DMD: variants seen among roughly 807,000 people sequenced by gnomAD.
DMD encodes mutant dystrophin.
A neutral mutation model predicts 330.1 loss-of-function variants in DMD; 63 were observed. The ratio of observed to expected loss-of-function variants is 0.19; its 90% confidence interval spans 0.16 to 0.24. DMD has a LOEUF of 0.24. Ranked by LOEUF, DMD falls within the 10% of genes least tolerant of loss-of-function variation. The pLI is 1.00. For synonymous variants in DMD, 1,223 were observed against 959.8 expected (o/e 1.27, Z -5.07); for missense variants, 3,344 against 2,684.1 (o/e 1.25, Z -5.43).
intron 41 of DMD, among the ~76,000 whole-genome samples, chrX:32,337,110 T>A (rs1186409339): frequency 9.0e-6 from 1 of 111,364 alleles, no homozygotes; most frequent in Non-Finnish European, 1.9e-5. Context: ...TGAGAGATAA[T>A]AATCTTGTAG....
chrX:31,137,068 G>C (rs1465297818), intron 76 of DMD, among the ~76,000 whole-genome samples: 1 of 110,906 alleles, frequency 9.0e-6, no homozygotes, highest in Non-Finnish European at 1.9e-5. Context: ...ACCCAGGCTG[G>C]AGTGCAGTGG....
At chrX:31,597,706 G>C (rs1251528277) in intron 55 of DMD, among the ~76,000 whole-genome samples, 1 of 111,988 alleles carries the variant, frequency 8.9e-6, no homozygotes, top group Non-Finnish European at 1.9e-5. Flanking sequence ...TCTTGAAGCA[G>C]TAGTAGAATG....
intron 1 of DMD, among the ~76,000 whole-genome samples, chrX:33,303,674 T>C (rs1337115732): frequency 9.0e-6 from 1 of 111,297 alleles, no homozygotes; most frequent in Non-Finnish European, 1.9e-5. Context: ...TGAGATCTGA[T>C]GGTTTTATAA....
At chrX:31,963,269 G>T (rs369684960) in intron 45 of DMD, among the ~76,000 whole-genome samples, 1 of 111,706 alleles carries the variant, frequency 9.0e-6, no homozygotes, top group East Asian at 2.8e-4. Flanking sequence ...GTACATTTAC[G>T]AATGCCTCCC....
chrX:33,229,970 G>T (rs754780501), intron 1 of DMD, among the ~76,000 whole-genome samples: 80 of 112,161 alleles, frequency 7.1e-4, no homozygotes, highest in African/African-American at 2.5e-3. Flanking sequence ...ATTGAGATTA[G>T]ACTGTGTTTT....
intron 42 of DMD, 115 bp downstream of exon 42, chrX:32,309,967 C>A (rs964615882): frequency 1.1e-5 from 7 of 654,227 alleles, no homozygotes; most frequent in Non-Finnish European, 1.7e-5. Context: ...TTAAGAATTC[C>A]ATGTGAAAGT....
In DMD at chrX:33,020,198, C is replaced by T. The variant is rs759615251; in HGVS notation, c.34G>A (p.Glu12Lys). ...LWWEEVEDCY[E>K]REDVQKKTFT... ...GTTTTCTTTTGAACATCTTCTCTTT[C>T]ATCTAAAATGCAAAATAAAAAAATA... is the stretch of plus-strand genomic sequence containing the variant. Residue 12 changes from glutamate (E) to lysine (K), a missense_variant and splice_region_variant, in exon 2 of 79, where the codon GAA (glutamate) becomes AAA (lysine). Transcript: ENST00000357033. The T allele has an allele frequency of 4.3e-6, 5 of 1,157,183 alleles. No individual in the cohort carries two copies. The highest frequency in any genetic ancestry group is 5.9e-6 in the Non-Finnish European group (5 of 852,542).
At chrX:32,816,897 C>T (rs2077808363) in intron 5 of DMD, among the ~76,000 whole-genome samples, 3 of 111,972 alleles carry the variant, frequency 2.7e-5, no homozygotes, top group African/African-American at 9.7e-5. Flanking sequence ...TTAGACCCAA[C>T]ATTTACTGTT....
At chrX:31,851,645 T>C (rs1431014724) in intron 48 of DMD, among the ~76,000 whole-genome samples, 1 of 112,586 alleles carries the variant, frequency 8.9e-6, no homozygotes, top group Non-Finnish European at 1.9e-5. Context: ...TTTGAGGTAC[T>C]AGATATGTAA....
intron 7 of DMD, among the ~76,000 whole-genome samples, chrX:32,701,555 C>T (rs2064133037): frequency 9.0e-6 from 1 of 111,444 alleles, no homozygotes; most frequent in African/African-American, 3.3e-5. Context: ...AGATACTATA[C>T]TTCACCGTAT....
intron 2 of DMD, among the ~76,000 whole-genome samples, chrX:32,857,492 T>A (rs982918024): frequency 2.7e-5 from 3 of 112,271 alleles, no homozygotes; most frequent in Non-Finnish European, 5.6e-5. Flanking sequence ...GGAGCAAAAT[T>A]TCACACTTAT....
At chrX:33,219,669 G>A (rs1398124383) in intron 1 of DMD, among the ~76,000 whole-genome samples, 1 of 110,713 alleles carries the variant, frequency 9.0e-6, no homozygotes, top group East Asian at 2.8e-4. Flanking sequence ...CTCACTTTGT[G>A]GATTGATTCC....
chrX:31,683,388 T>C lies in DMD; in HGVS notation c.7661-3802A>G, dbSNP rs375218343. Among the ~76,000 whole-genome samples the C allele has an allele frequency of 2.7e-5, 3 of 112,204 alleles. No homozygotes were observed. In the East Asian group the frequency reaches 8.4e-4, roughly 31 times the overall value. ...TGCTATTCACTGCCTATCCAAAGAA[T>C]GCAGAGTGAGCATGGAGAAGATAAT... On this transcript the variant is annotated intron_variant, in intron 52 of 78. Coordinates refer to ENST00000357033, the MANE Select transcript of DMD (RefSeq NM_004006.3).
intron 60 of DMD, among the ~76,000 whole-genome samples, chrX:31,411,098 C>G (rs1481864652): frequency 9.0e-6 from 1 of 110,712 alleles, no homozygotes; most frequent in African/African-American, 3.3e-5. Flanking sequence ...GGCGTAGGTA[C>G]TTTAAATGCA....
chrX:32,116,710 G>A (rs1307430806), intron 44 of DMD, among the ~76,000 whole-genome samples: 1 of 112,312 alleles, frequency 8.9e-6, no homozygotes, highest in Non-Finnish European at 1.9e-5. Context: ...CAGGGGTAAA[G>A]AGTGACTCCT....
intron 12 of DMD, among the ~76,000 whole-genome samples, chrX:32,597,161 G>T (rs945226608): frequency 2.7e-5 from 3 of 111,595 alleles, no homozygotes; most frequent in African/African-American, 9.8e-5. Flanking sequence ...AGGACTCAAT[G>T]TAAGTGTCAC....
At chrX:33,294,051 G>A (rs952651617) in intron 1 of DMD, among the ~76,000 whole-genome samples, 3 of 111,272 alleles carry the variant, frequency 2.7e-5, no homozygotes, top group African/African-American at 6.5e-5. Flanking sequence ...AGAGAATCAC[G>A]TAGAAGAAGC....
At chrX:32,786,670 T>C (rs2075385308) in intron 7 of DMD, among the ~76,000 whole-genome samples, 1 of 111,846 alleles carries the variant, frequency 8.9e-6, no homozygotes, top group African/African-American at 3.2e-5. Context: ...CAATTAGCCC[T>C]GTAATAAAAT....
intron 60 of DMD, among the ~76,000 whole-genome samples, chrX:31,416,666 C>A (rs2061887117): frequency 8.9e-6 from 1 of 112,341 alleles, no homozygotes; most frequent in Admixed American, 9.5e-5. Context: ...GACATGATTG[C>A]ACTTGTGGAG....
Sources: allele counts gnomAD v4.1 joint callset (sites outside exome capture counted in the v4.1 genomes callset), GRCh38; gene constraint gnomAD v4.1.1; transcripts MANE v1.5; gene names NCBI Gene and HGNC (gene_info 2026-07-23, HGNC 2026-07-21).